The following FEZF1 variants were observed in gnomAD, a reference collection of about 807,000 sequenced individuals.
The protein encoded by FEZF1 is fez family zinc finger protein 1.
FEZF1 carries 8 observed loss-of-function variants against 32.4 expected under a neutral mutation model. That is an observed-to-expected ratio of 0.25 (90% CI 0.15 to 0.45). The LOEUF (loss-of-function observed/expected upper bound fraction) is 0.45, where lower values mean the gene tolerates loss of function less well. FEZF1 is among the 20% of genes least tolerant of loss of function. The probability of loss-of-function intolerance (pLI) is 1.00; values close to 1 mark genes in which losing one functional copy is unlikely to be tolerated. For synonymous variants in FEZF1, 259 were observed against 265.2 expected (o/e 0.98, Z 0.23); for missense variants, 546 against 622.3 (o/e 0.88, Z 1.31).
Position 122,301,855 on chromosome 7 carries a change from G to A in FEZF1, c.*142C>T, listed in dbSNP as rs2031043981. 8.6e-7 allele frequency: 1 copy of A among 1,156,184 alleles called. No homozygotes were observed. The highest frequency in any genetic ancestry group is 1.6e-5 in the South Asian group (1 of 60,804). The allele number at this position is 1,156,184 out of a possible 1,614,324, so 71.6% of individuals were successfully genotyped here. A position where few individuals can be genotyped will look rare whatever the true frequency, so the allele number is the denominator to read the frequency against. On this transcript the variant is annotated 3_prime_UTR_variant, in exon 4 of 4. Transcript: ENST00000442488. ...TGCATGCAAGAGGCGAAAGGCCAGG[G>A]GATGCAGAGGCTTCTGGTCGGCCCT...
chr7:122,304,565 C>A lies in FEZF1; in HGVS notation c.-128G>T. ...CACCAGTAGCCTCCTCCTCCTCCTC[C>A]TCCCCAGCATCACCAGCCGAACCTG... On this transcript the variant is annotated 5_prime_UTR_variant, in exon 1 of 4. The change creates a new upstream start codon in the 5' untranslated region. Transcript: ENST00000442488. 1.4e-6 allele frequency: 1 copy of A among 704,560 alleles called. No individual in the cohort carries two copies. The highest frequency in any genetic ancestry group is 2.2e-6 in the Non-Finnish European group (1 of 454,140). The allele number at this position is 704,560 out of a possible 1,614,324, so 43.6% of individuals were successfully genotyped here. A position where few individuals can be genotyped will look rare whatever the true frequency, so the allele number is the denominator to read the frequency against.
chr7:122,302,250 T>A lies in FEZF1; in HGVS notation c.1175A>T (p.His392Leu), dbSNP rs1364155352. The change falls in exon 4 of 4, where the codon CAC becomes CTC. Residue 392 changes from histidine to leucine, a missense_variant. By Grantham distance (99) the His-to-Leu change is moderately conservative. Coordinates refer to ENST00000442488, the MANE Select transcript of FEZF1 (RefSeq NM_001024613.4). The surrounding 1 kb of genome is among the most constrained non-coding windows in gnomAD (Gnocchi z 4.4). The stretch of plus-strand genomic sequence containing the variant: ...GAAAGGCTTCTTGTCGTTGTGGGTG[T>A]GCATGTGGAAGGTGAGGTTGTAAAC... Reference protein sequence around the residue: ...HQVYNLTFHMHTHNDKKPFTC... With the variant: ...HQVYNLTFHMLTHNDKKPFTC... 6.2e-7 allele frequency: 1 copy of A among 1,614,102 alleles called. No homozygotes were observed. The highest frequency in any genetic ancestry group is 8.5e-7 in the Non-Finnish European group (1 of 1,180,018).
rs767513577 is a variant in FEZF1 at position 122,302,385 on chromosome 7, T to A, written c.1070-30A>T. On this transcript the variant is annotated intron_variant, in intron 3 of 3. Transcript: ENST00000442488. This position sits in a 1 kb window ranked among gnomAD's most constrained non-coding sequence, Gnocchi z 4.4. Reference sequence around the variant, plus strand: ...AACACACAAATGACAGGAATATGGTTCTGAAAAAAAAAATAGCTTAAAAAG... The same window carrying A: ...AACACACAAATGACAGGAATATGGTACTGAAAAAAAAAATAGCTTAAAAAG... The A allele has an allele frequency of 4.4e-6, 7 of 1,605,306 alleles. No individual in the cohort carries two copies. In the African/African-American group the frequency reaches 1.0e-4, roughly 23 times the overall value.
chr7:122,302,041 T>C lies in FEZF1; in HGVS notation c.1384A>G (p.Thr462Ala). The change falls in exon 4 of 4, where the codon ACC (threonine) becomes GCC (alanine). Residue 462 changes from threonine to alanine, a missense_variant. By Grantham distance (58) the Thr-to-Ala change is moderately conservative (BLOSUM62 0). Around this residue, in one of 3 missense-constraint regions of FEZF1, gnomAD observed 83 missense variants for 73.0 expected, o/e 1.14. Transcript: ENST00000442488. The surrounding 1 kb of genome is among the most constrained non-coding windows in gnomAD (Gnocchi z 4.4). ...AGCCCGGGCTGCAGGGGCCCCGGGG[T>C]TGGCAGCGGCGGCTGCAGAGGAGGC... ...TLPPLQPPLP[T>A]PGPLQPGLHQ... 4 of 1,602,274 alleles carry C rather than the reference T, an allele frequency of 2.5e-6. No homozygotes were observed. The highest frequency in any genetic ancestry group is 3.4e-6 in the Non-Finnish European group (4 of 1,178,342).
upstream of FEZF1, chr7:122,305,048 T>G (rs1407559834): frequency 1.3e-5 from 2 of 152,100 alleles, no homozygotes. Context: ...CGTTTAGCTC[T>G]AAGTGACATC....
intron 1 of FEZF1, 62 bp from the exon 2 acceptor site, chr7:122,303,373 C>A: frequency 6.3e-7 from 1 of 1,590,172 alleles, no homozygotes. Context: ...TCAAACCGGG[C>A]AGAGAGAGGG....
rs1166770391 is a variant in FEZF1, at chr7:122,302,078, C to T, written c.1347G>A (p.Pro449=). The change falls in exon 4 of 4, where the codon CCG becomes CCA. Residue 449 remains proline, a synonymous_variant. Transcript: ENST00000442488. The surrounding 1 kb of genome is among the most constrained non-coding windows in gnomAD (Gnocchi z 4.4). ...GCTGCAGAGGAGGCAGCGTCATCGG[C>T]GGCTGCTGCGGTAGCGGGGGCGGCG... ...TEPPPPLPQQ[P]PMTLPPLQPP... The T allele has an allele frequency of 5.0e-6, 8 of 1,607,932 alleles. No homozygotes were observed. The highest frequency in any genetic ancestry group is 5.1e-6 in the Non-Finnish European group (6 of 1,178,656).
chr7:122,310,300 T>C (rs1038523330), exon 1 of FEZF1: 11 of 152,272 alleles, frequency 7.2e-5, no homozygotes, highest in African/African-American at 2.6e-4. Flanking sequence ...TGCCCCCGGC[T>C]GCCCAGGGGA....
At chr7:122,303,491 AAGGAAGGAAGG>A in intron 1 of FEZF1, 135 bp downstream of exon 1, 2 of 463,646 alleles carry the variant, frequency 4.3e-6, no homozygotes, top group Non-Finnish European at 7.4e-6. Context: ...GGAAGGAAGG[AAGGAAGGAAGG>A]AAGGAAGGAA....
At chr7:122,303,144 C>A in intron 2 of FEZF1, 33 bp downstream of exon 2, 1 of 1,613,410 alleles carries the variant, frequency 6.2e-7, no homozygotes, top group Non-Finnish European at 8.5e-7. Flanking sequence ...AGTTCGGAAG[C>A]AAACTAGGTG....
chr7:122,301,650 A>G lies in FEZF1; in HGVS notation c.*347T>C. 4.3e-6 allele frequency: 1 copy of G among 234,654 alleles called. No individual in the cohort carries two copies. The highest frequency in any genetic ancestry group is 8.1e-6 in the Non-Finnish European group (1 of 123,824). The allele number at this position is 234,654 out of a possible 1,614,324, so 14.5% of individuals were successfully genotyped here. On this transcript the variant is annotated 3_prime_UTR_variant, in exon 4 of 4. Coordinates refer to ENST00000442488, the MANE Select transcript of FEZF1 (RefSeq NM_001024613.4). The stretch of plus-strand genomic sequence containing the variant: ...TAGAATAATACAGATCTCAATAAAT[A>G]TAGCAGAAATTTGTTTAAACAAAAC...
At position 122,304,657 on chromosome 7, in the gene FEZF1, C is replaced by A. The variant is rs976450567; in HGVS notation, c.-220G>T. 2 of 448,736 alleles carry A rather than the reference C, an allele frequency of 4.5e-6. No individual in the cohort carries two copies. Among genetic ancestry groups the A allele is most frequent in the African/African-American group, 2.0e-5 (1 of 50,032 alleles). The allele number at this position is 448,736 out of a possible 1,614,324, so 27.8% of individuals were successfully genotyped here. On this transcript the variant is annotated 5_prime_UTR_variant, in exon 1 of 4. Transcript: ENST00000442488. The stretch of plus-strand genomic sequence containing the variant: ...TCTTGGCGCACCAATGACTCGGGGA[C>A]AATCACTACTTATTTCTATCAATAG...
At chr7:122,303,552 AGGAG>A (rs1563042288) in intron 1 of FEZF1, 81 bp downstream of exon 1, 246 of 351,028 alleles carry the variant, frequency 7.0e-4, no homozygotes, top group Middle Eastern at 3.4e-3. Context: ...GAGGGAAGGA[AGGAG>A]GGAAGGAGGG....
exon 1 of FEZF1, chr7:122,310,600 G>T (rs1322000863): frequency 6.6e-6 from 1 of 152,332 alleles, no homozygotes; most frequent in Non-Finnish European, 1.5e-5. Context: ...TTCAGTGACC[G>T]GGCGCCGCTG....
Position 122,304,504 on chromosome 7 carries a change from T to C in FEZF1, c.-67A>G. The C allele has an allele frequency of 7.3e-7, 1 of 1,378,532 alleles. No individual in the cohort carries two copies. Among genetic ancestry groups the C allele is most frequent in the East Asian group, 2.4e-5 (1 of 40,916 alleles). 85.4% of individuals were successfully genotyped at this position (1,378,532 alleles called of 1,614,324 possible). On this transcript the variant is annotated 5_prime_UTR_variant, in exon 1 of 4. The change abolishes the stop of an existing upstream ORF in the 5' untranslated region. Coordinates refer to ENST00000442488, the MANE Select transcript of FEZF1 (RefSeq NM_001024613.4). Reference sequence around the variant, plus strand: ...CGTCCGTTGCCTTGTTCCCTGCTTGTCACAGACCTGCGGAGAGGGGGACGG... The same window carrying C: ...CGTCCGTTGCCTTGTTCCCTGCTTGCCACAGACCTGCGGAGAGGGGGACGG...
chr7:122,303,588 A>C lies in FEZF1; in HGVS notation c.801+49T>G, dbSNP rs111662975. The C allele has an allele frequency of 1.9e-6, 2 of 1,057,468 alleles. 1 individual carries two copies. The highest frequency in any genetic ancestry group is 2.8e-6 in the Non-Finnish European group (2 of 716,848). 65.5% of individuals were successfully genotyped at this position (1,057,468 alleles called of 1,614,324 possible). ...AGGGAGGGAGGGAGGGAAGGAAGGAAGGAAGGAAGGGAGGGAAGGAAAGGA... is the reference window on the plus strand; with the variant it reads ...AGGGAGGGAGGGAGGGAAGGAAGGACGGAAGGAAGGGAGGGAAGGAAAGGA... On this transcript the variant is annotated intron_variant, in intron 1 of 3. Coordinates refer to ENST00000442488, the MANE Select transcript of FEZF1 (RefSeq NM_001024613.4).
upstream of FEZF1, chr7:122,304,973 CCTTT>C (rs993513920): frequency 6.9e-6 from 1 of 144,190 alleles, no homozygotes; most frequent in Non-Finnish European, 1.5e-5. Flanking sequence ...GCTTCCTCTG[CCTTT>C]CTAATTCTCA....
chr7:122,308,640 T>A (rs1584964347), upstream of FEZF1: 1 of 152,374 alleles, frequency 6.6e-6, no homozygotes, highest in East Asian at 1.9e-4. Context: ...AAAATACTAT[T>A]GATTTTTTTA....
upstream of FEZF1, chr7:122,305,214 T>TGGGTGGGCCG (rs1423502377): frequency 3.5e-4 from 53 of 149,930 alleles, no homozygotes; most frequent in Admixed American, 2.2e-3. Flanking sequence ...CCACTGGGCC[T>TGGGTGGGCCG]GGGTGGGCCG....
Sources: allele counts gnomAD v4.1 joint callset, GRCh38; gene constraint gnomAD v4.1.1; regional missense constraint gnomAD v4.1.1; non-coding constraint Gnocchi (gnomAD v3.1); transcripts MANE v1.5; gene names NCBI Gene and HGNC (gene_info 2026-07-23, HGNC 2026-07-21).